The following CCDC148 variants were observed in gnomAD, a reference collection of about 807,000 sequenced individuals.
The protein encoded by CCDC148 is coiled-coil domain-containing protein 148.
In CCDC148, 89 loss-of-function variants were observed where a neutral mutation model predicts 85.7. The ratio of observed to expected loss-of-function variants is 1.04; its 90% CI spans 0.87 to 1.24. CCDC148 has a LOEUF of 1.24. Among genes scored for constraint, CCDC148 ranks in the 50% most tolerant of loss-of-function variants. The pLI is 0.00. For missense variants in CCDC148, 692 were observed against 671.7 expected, an observed-to-expected ratio of 1.03 and a Z score of -0.33; for synonymous variants, 230 against 213.9, an observed-to-expected ratio of 1.08 and a Z score of -0.66.
chr2:158,238,136 G>A (rs1381321169), intron 10 of CCDC148, among the ~76,000 whole-genome samples: 1 of 152,078 alleles, frequency 6.6e-6, no homozygotes, highest in Non-Finnish European at 1.5e-5. Flanking sequence ...TTTCTGAAGA[G>A]GGCATGTGGG....
intron 1 of CCDC148, among the ~76,000 whole-genome samples, chr2:158,452,731 C>T (rs1222751831): frequency 1.3e-5 from 2 of 152,182 alleles, no homozygotes; most frequent in Non-Finnish European, 2.9e-5. Context: ...GGGGCTGATG[C>T]CTTGCCAGGT....
At chr2:158,414,626 T>C (rs911975166) in intron 1 of CCDC148, among the ~76,000 whole-genome samples, 1 of 152,148 alleles carries the variant, frequency 6.6e-6, no homozygotes, top group African/African-American at 2.4e-5. Context: ...AGGAGCTTTC[T>C]GGAGATCATC....
At chr2:158,455,671 T>C (rs1442000102) in intron 1 of CCDC148, among the ~76,000 whole-genome samples, 1 of 152,002 alleles carries the variant, frequency 6.6e-6, no homozygotes, top group Non-Finnish European at 1.5e-5. Flanking sequence ...CTAAAAAAAG[T>C]AAAATCGCCA....
intron 10 of CCDC148, among the ~76,000 whole-genome samples, chr2:158,246,211 G>C (rs548961004): frequency 6.6e-6 from 1 of 152,168 alleles, no homozygotes; most frequent in Non-Finnish European, 1.5e-5. Flanking sequence ...ACAGCAGATG[G>C]GGGGAAAACA....
intron 7 of CCDC148, among the ~76,000 whole-genome samples, chr2:158,322,337 A>C (rs546801406): frequency 6.6e-6 from 1 of 152,116 alleles, no homozygotes; most frequent in Non-Finnish European, 1.5e-5. Context: ...ATATATTGTA[A>C]AATAATATTT....
intron 7 of CCDC148, among the ~76,000 whole-genome samples, chr2:158,329,868 A>C (rs1188653629): frequency 1.3e-5 from 2 of 152,198 alleles, no homozygotes; most frequent in Non-Finnish European, 1.5e-5. Context: ...TTGTATCCTG[A>C]GACTTTGCCG....
intron 2 of CCDC148, among the ~76,000 whole-genome samples, chr2:158,348,788 C>T (rs1398997639): frequency 1.3e-5 from 2 of 151,784 alleles, no homozygotes; most frequent in African/African-American, 4.8e-5. Context: ...ACAATTCAAT[C>T]CAATTGTGCA....
chr2:158,207,954 G>GACACACACACACAC (rs34660144), intron 11 of CCDC148, among the ~76,000 whole-genome samples: 1 of 148,990 alleles, frequency 6.7e-6, no homozygotes, highest in Admixed American at 6.7e-5. Flanking sequence ...ATTTTGATCT[G>GACACACACACACAC]ACACACACAC....
intron 1 of CCDC148, among the ~76,000 whole-genome samples, chr2:158,417,316 G>A (rs1255316680): frequency 6.6e-6 from 1 of 152,186 alleles, no homozygotes; most frequent in Non-Finnish European, 1.5e-5. Flanking sequence ...ATACTGTGGT[G>A]GCCCTGGAAG....
Position 158,309,587 on chromosome 2 carries a change from T to A in CCDC148, c.956A>T (p.Asn319Ile). The change falls in exon 9 of 14, where the codon AAT becomes ATT. Residue 319 changes from asparagine to isoleucine, a missense_variant. Coordinates refer to ENST00000283233, the MANE Select transcript of CCDC148 (RefSeq NM_138803.4). ...DQYRFAIEQQ[N>I]ILISNWNKNK... ...TTTATTCCAATTTGATATCAGGATA[T>A]TTTGCTGCTCTATAGCAAAGCGATA... 1 of 1,614,016 alleles carries A rather than the reference T, an allele frequency of 6.2e-7. No homozygotes were observed. Among genetic ancestry groups the A allele is most frequent in the Non-Finnish European group, 8.5e-7 (1 of 1,179,892 alleles).
chr2:158,303,758 C>T (rs1378377539), intron 9 of CCDC148, among the ~76,000 whole-genome samples: 7 of 151,110 alleles, frequency 4.6e-5, no homozygotes, highest in Admixed American at 4.0e-4. Context: ...ATTTGTTTAC[C>T]CTCATGTGAC....
At chr2:158,247,691 A>G (rs1276709702) in intron 10 of CCDC148, among the ~76,000 whole-genome samples, 1 of 152,030 alleles carries the variant, frequency 6.6e-6, no homozygotes, top group Non-Finnish European at 1.5e-5. Context: ...TCCCGTCTCT[A>G]CTAAAAATAC....
chr2:158,226,351 T>C (rs1184160156), intron 10 of CCDC148, among the ~76,000 whole-genome samples: 1 of 152,146 alleles, frequency 6.6e-6, no homozygotes, highest in Non-Finnish European at 1.5e-5. Flanking sequence ...ACCAGATGGA[T>C]TCACAGCCAT....
At chr2:158,334,114 G>T (rs1180520594) in intron 7 of CCDC148, among the ~76,000 whole-genome samples, 3 of 152,140 alleles carry the variant, frequency 2.0e-5, no homozygotes, top group Non-Finnish European at 4.4e-5. Flanking sequence ...ACTCACAAAA[G>T]TGTGGAGTGC....
At chr2:158,175,327 C>A (rs1684525941) in intron 13 of CCDC148, among the ~76,000 whole-genome samples, 1 of 60,958 alleles carries the variant, frequency 1.6e-5, no homozygotes, top group East Asian at 5.3e-4. Context: ...TATCCTCCCC[C>A]ACAACCTATT....
At chr2:158,366,812 C>T (rs980990070) in intron 1 of CCDC148, among the ~76,000 whole-genome samples, 3 of 152,158 alleles carry the variant, frequency 2.0e-5, no homozygotes, top group African/African-American at 7.2e-5. Flanking sequence ...AAACATCTTC[C>T]ACTCCACGCT....
chr2:158,173,064 T>C (rs1000900306), intron 13 of CCDC148, among the ~76,000 whole-genome samples: 3 of 152,038 alleles, frequency 2.0e-5, no homozygotes, highest in Non-Finnish European at 4.4e-5. Context: ...CTACAGATTA[T>C]GGCAACATGT....
chr2:158,300,354 A>G (rs1349777616), intron 9 of CCDC148, among the ~76,000 whole-genome samples: 1 of 152,200 alleles, frequency 6.6e-6, no homozygotes. Context: ...GGAGGCTTAC[A>G]CCAAGATGAA....
intron 2 of CCDC148, among the ~76,000 whole-genome samples, chr2:158,348,680 T>C (rs1683114713): frequency 6.6e-6 from 1 of 151,984 alleles, no homozygotes; most frequent in Non-Finnish European, 1.5e-5. Context: ...CAAAACAATC[T>C]GGCACAGGGG....
Sources: allele counts gnomAD v4.1 joint callset (sites outside exome capture counted in the v4.1 genomes callset), GRCh38; gene constraint gnomAD v4.1.1; transcripts MANE v1.5; gene names NCBI Gene and HGNC (gene_info 2026-07-23, HGNC 2026-07-21).